The following BLMH variants were observed in gnomAD, a reference collection of about 807,000 sequenced individuals.
The protein encoded by BLMH is bleomycin hydrolase.
BLMH carries 32 observed loss-of-function variants against 61.6 expected under a neutral mutation model. That is an observed-to-expected ratio of 0.52 (90% CI 0.39 to 0.70). BLMH has a LOEUF of 0.70. Among genes scored for constraint, BLMH ranks in the 30% least tolerant of loss-of-function variants. The pLI is 0.00. For synonymous variants in BLMH, 183 were observed against 193.8 expected, an observed-to-expected ratio of 0.94 and a Z score of 0.46; for missense variants, 460 against 555.5, an observed-to-expected ratio of 0.83 and a Z score of 1.73.
At chr17:30,267,741 T>C (rs2143021304) in intron 10 of BLMH, among the ~76,000 whole-genome samples, 1 of 152,330 alleles carries the variant, frequency 6.6e-6, no homozygotes, top group Admixed American at 6.5e-5. Flanking sequence ...AGGCTCCATT[T>C]GGGAAAAGAC....
chr17:30,258,221 T>TAA (rs1227765031), intron 11 of BLMH, among the ~76,000 whole-genome samples: 1 of 142,814 alleles, frequency 7.0e-6, no homozygotes, highest in African/African-American at 2.6e-5. Flanking sequence ...GTTGGATGTT[T>TAA]AAAAAAAAAA....
At chr17:30,288,952 G>T (rs1443464837) in intron 3 of BLMH, among the ~76,000 whole-genome samples, 2 of 152,110 alleles carry the variant, frequency 1.3e-5, no homozygotes, top group Non-Finnish European at 2.9e-5. Flanking sequence ...GGGTGGCAGG[G>T]TGAGACTGTC....
chr17:30,285,604 A>C (rs962260246), intron 5 of BLMH, 124 bp from the exon 6 acceptor site: 16 of 600,610 alleles, frequency 2.7e-5, no homozygotes, highest in Non-Finnish European at 3.7e-5. Context: ...AGAGTTCATA[A>C]AGGCAAATGT....
intron 10 of BLMH, 57 bp from the exon 11 acceptor site, chr17:30,267,011 G>A (rs1908131255): frequency 6.5e-7 from 1 of 1,543,406 alleles, no homozygotes; most frequent in African/African-American, 1.4e-5. Context: ...CTGCTGAGGT[G>A]TCATATAATT....
In BLMH at chr17:30,266,892, G is replaced by C. The variant is rs1360487106; in HGVS notation, c.1209C>G (p.Gly403=). 8.7e-6 allele frequency: 14 copies of C among 1,613,924 alleles called. No homozygotes were observed. Among genetic ancestry groups the C allele is most frequent in the Non-Finnish European group, 1.1e-5 (13 of 1,179,938 alleles). Residue 403 remains glycine, a synonymous_variant, in exon 11 of 12, where the codon GGC becomes GGG. Transcript: ENST00000261714. ...RVENSWGEDH[G]HKGYLCMTDE... ...TTACCAAACTGAGCTCACCTTTGTG[G>C]CCATGGTCTTCACCCCATGAATTCT...
chr17:30,278,635 A>G (rs1002557609), intron 6 of BLMH, among the ~76,000 whole-genome samples: 1 of 152,168 alleles, frequency 6.6e-6, no homozygotes, highest in African/African-American at 2.4e-5. Flanking sequence ...TGTCAGATAC[A>G]TATGTTAAGA....
intron 11 of BLMH, among the ~76,000 whole-genome samples, chr17:30,257,842 A>G (rs1184495719): frequency 1.3e-5 from 2 of 152,162 alleles, no homozygotes; most frequent in African/African-American, 4.8e-5. Flanking sequence ...TCTGTGGGCA[A>G]AGAGACTTGG....
chr17:30,257,607 T>C (rs1907851140), intron 11 of BLMH, among the ~76,000 whole-genome samples: 1 of 152,156 alleles, frequency 6.6e-6, no homozygotes, highest in African/African-American at 2.4e-5. Context: ...TTAAAAGAAT[T>C]ACACTTTAGA....
intron 10 of BLMH, among the ~76,000 whole-genome samples, chr17:30,269,134 C>A (rs902394205): frequency 2.0e-5 from 3 of 150,778 alleles, no homozygotes; most frequent in Admixed American, 2.0e-4. Flanking sequence ...TTATAAAGCA[C>A]CCTTATTTGA....
chr17:30,291,597 C>G, intron 1 of BLMH, 89 bp from the exon 2 acceptor site: 2 of 1,529,870 alleles, frequency 1.3e-6, no homozygotes, highest in Non-Finnish European at 1.8e-6. Flanking sequence ...ACTTCGTAAG[C>G]GCATCCTGGG....
intron 3 of BLMH, 104 bp from the exon 4 acceptor site, chr17:30,288,051 A>AT: frequency 8.4e-7 from 1 of 1,187,230 alleles, no homozygotes; most frequent in South Asian, 1.6e-5. Flanking sequence ...TGGAATCAAC[A>AT]TAATAGTTTT....
intron 11 of BLMH, among the ~76,000 whole-genome samples, chr17:30,263,664 T>C (rs1296865752): frequency 6.6e-6 from 1 of 152,222 alleles, no homozygotes; most frequent in African/African-American, 2.4e-5. Context: ...TTCTGTCCAT[T>C]TTTGGAATAG....
At chr17:30,277,897 T>C (rs1205669858) in intron 6 of BLMH, among the ~76,000 whole-genome samples, 1 of 152,190 alleles carries the variant, frequency 6.6e-6, no homozygotes, top group Non-Finnish European at 1.5e-5. Flanking sequence ...TTAATAAAAA[T>C]ATAATTAAGG....
At chr17:30,281,019 CTGT>C (rs1908570931) in intron 6 of BLMH, among the ~76,000 whole-genome samples, 1 of 150,134 alleles carries the variant, frequency 6.7e-6, no homozygotes, top group East Asian at 2.0e-4. Flanking sequence ...GGGAAGACAG[CTGT>C]CTACTACTTT....
chr17:30,271,465 C>G, intron 9 of BLMH, 77 bp from the exon 10 acceptor site: 7 of 1,118,902 alleles, frequency 6.3e-6, no homozygotes, highest in Non-Finnish European at 9.5e-6. Flanking sequence ...AAAAGGAATT[C>G]AGAAGAAACT....
In BLMH at chr17:30,272,742, T is replaced by A; in HGVS notation, c.959A>T (p.Glu320Val). 1 of 1,614,082 alleles carries A rather than the reference T, an allele frequency of 6.2e-7. No homozygotes were observed. Among genetic ancestry groups the A allele is most frequent in the Non-Finnish European group, 8.5e-7 (1 of 1,180,004 alleles). ...GCAAAATACAGAAACAATACCAACCTCTCCATCTTTGATGGAGGCAGCAAC... is the reference window on the plus strand; with the variant it reads ...GCAAAATACAGAAACAATACCAACCACTCCATCTTTGATGGAGGCAGCAAC... Reference protein sequence around the residue: ...KMVAASIKDGEAVWFGCDVGK... With the variant: ...KMVAASIKDGVAVWFGCDVGK... The change falls in exon 8 of 12, where the codon GAG (glutamate) becomes GTG (valine). Residue 320 changes from glutamate (E) to valine (V), a missense_variant and splice_region_variant. Physicochemically the swap from Glu to Val is moderately radical, Grantham distance 121 (BLOSUM62 -2). This residue lies in a region of BLMH where 310 missense variants were observed against 371.1 expected (regional missense o/e 0.84). Coordinates refer to ENST00000261714, the MANE Select transcript of BLMH (RefSeq NM_000386.4).
chr17:30,269,176 TA>T (rs1908195530), intron 10 of BLMH, among the ~76,000 whole-genome samples: 1 of 148,624 alleles, frequency 6.7e-6, no homozygotes, highest in African/African-American at 2.5e-5. Context: ...TTTATTTATT[TA>T]TTGTTTTTTT....
At position 30,272,836 on chromosome 17, in the gene BLMH, A is replaced by C. The variant is rs762933926; in HGVS notation, c.865T>G (p.Leu289Val). 1 of 1,614,152 alleles carries C rather than the reference A, an allele frequency of 6.2e-7. No homozygotes were observed. Among genetic ancestry groups the C allele is most frequent in the South Asian group, 1.1e-5 (1 of 91,076 alleles). The change falls in exon 8 of 12, where the codon TTA becomes GTA. Residue 289 changes from leucine (L) to valine (V), a missense_variant. Physicochemically the swap from Leu to Val is conservative, Grantham distance 32. Transcript: ENST00000261714. The stretch of plus-strand genomic sequence containing the variant: ...TTTCTCCCTCCAACCATATTGCTTA[A>C]GTATTCCACTGTGTAAAGTTTGTTG... ...KYNKLYTVEY[L>V]SNMVGGRKTL... is the part of the protein sequence containing the mutation.
intron 11 of BLMH, among the ~76,000 whole-genome samples, chr17:30,266,309 C>T (rs1162584965): frequency 1.3e-5 from 2 of 151,834 alleles, no homozygotes; most frequent in Non-Finnish European, 2.9e-5. Flanking sequence ...GGGCGGATCA[C>T]GAGGTCAGGA....
Sources: gnomAD v4.1 joint callset for allele counts (sites outside exome capture counted in the v4.1 genomes callset) on GRCh38, gnomAD v4.1.1 for gene constraint, gnomAD v4.1.1 regional missense constraint, MANE v1.5 for transcripts, NCBI Gene and HGNC (gene_info 2026-07-23, HGNC 2026-07-21) for gene names.